Variants in NBPF11 observed in about 807,000 individuals in gnomAD.
The protein encoded by NBPF11 is NBPF member 11.
In NBPF11, 72 loss-of-function variants were observed where a neutral mutation model predicts 93.9. The observed-to-expected ratio is 0.77, with a 90% confidence interval of 0.63 to 0.93. The LOEUF (loss-of-function observed/expected upper bound fraction) is 0.93, where lower values mean the gene tolerates loss of function less well. Among genes scored for constraint, NBPF11 ranks in the 40% least tolerant of loss-of-function variants. The probability of loss-of-function intolerance (pLI) is 0.00; values close to 1 mark genes in which losing one functional copy is unlikely to be tolerated. For synonymous variants in NBPF11, 224 were observed against 304.9 expected, an observed-to-expected ratio of 0.73 and a Z score of 2.76; for missense variants, 705 against 802.2, an observed-to-expected ratio of 0.88 and a Z score of 1.46.
intron 1 of NBPF11, among the ~76,000 whole-genome samples, chr1:148,148,276 G>A (rs1647258449): frequency 6.6e-6 from 1 of 152,374 alleles, no homozygotes; most frequent in Non-Finnish European, 1.5e-5. Flanking sequence ...AGGCAGAGGG[G>A]ACGCACACCT....
At chr1:148,122,654 T>A in intron 8 of NBPF11, 75 bp downstream of exon 8, 2 of 1,588,376 alleles carry the variant, frequency 1.3e-6, no homozygotes, top group Admixed American at 3.3e-5. Flanking sequence ...CCATCATAGA[T>A]GCCAGAGAGG....
At chr1:148,147,527 G>A (rs1571500524) in intron 1 of NBPF11, among the ~76,000 whole-genome samples, 1 of 152,098 alleles carries the variant, frequency 6.6e-6, no homozygotes, top group African/African-American at 2.4e-5. Context: ...CAGCGCCCGG[G>A]CCAGTGCTGC....
chr1:148,142,283 G>C (rs1190036217), intron 2 of NBPF11, among the ~76,000 whole-genome samples: 2 of 152,026 alleles, frequency 1.3e-5, no homozygotes, highest in Admixed American at 6.5e-5. Context: ...ATTAGAGAGA[G>C]ACGCACTACT....
At chr1:148,112,690 A>G (rs1665574486) in intron 15 of NBPF11, among the ~76,000 whole-genome samples, 2 of 143,884 alleles carry the variant, frequency 1.4e-5, no homozygotes, top group Admixed American at 7.1e-5. Context: ...GGCTGGGTCA[A>G]ATGGTATTTC....
At position 148,144,106 on chromosome 1, in the gene NBPF11, G is replaced by T. The variant is rs1333513359; in HGVS notation, c.-548-420C>A. Among the ~76,000 whole-genome samples the T allele has an allele frequency of 2.0e-5, 3 of 151,816 alleles. No individual in the cohort carries two copies. In the East Asian group the frequency reaches 5.8e-4, roughly 29 times the overall value. On this transcript the variant is annotated intron_variant, in intron 1 of 23. Transcript: ENST00000682118. ...TTTTCACAAAGTAAGGAATATTTGAGGTAGATCTTAGTGAACAAGAATTCG... is the reference window on the plus strand; with the variant it reads ...TTTTCACAAAGTAAGGAATATTTGATGTAGATCTTAGTGAACAAGAATTCG...
In NBPF11 at chr1:148,122,723, T is replaced by G; in HGVS notation, c.566+6A>C. ...CCATTACTTGCTCCTGAGTATTCAA[T>G]GTTACCTGGGGGCAGATGATTCCAG... On this transcript the variant is annotated splice_donor_region_variant and intron_variant, in intron 8 of 23. Transcript: ENST00000682118. The G allele has an allele frequency of 6.2e-7, 1 of 1,609,616 alleles. No homozygotes were observed. Among genetic ancestry groups the G allele is most frequent in the Non-Finnish European group, 8.5e-7 (1 of 1,177,080 alleles).
At chr1:148,147,226 G>A (rs1264346661) in intron 1 of NBPF11, among the ~76,000 whole-genome samples, 1 of 152,118 alleles carries the variant, frequency 6.6e-6, no homozygotes, top group Non-Finnish European at 1.5e-5. Context: ...CCACCTGGCG[G>A]GAGGGAGTGG....
At chr1:148,118,139 A>C (rs1460887898) in intron 11 of NBPF11, among the ~76,000 whole-genome samples, 12 of 146,450 alleles carry the variant, frequency 8.2e-5, no homozygotes, top group Admixed American at 2.0e-4. Flanking sequence ...TGCGGCCATT[A>C]GATACAAAGC....
intron 15 of NBPF11, among the ~76,000 whole-genome samples, chr1:148,111,863 C>A (rs1489224985): frequency 1.3e-5 from 2 of 150,964 alleles, no homozygotes; most frequent in African/African-American, 4.9e-5. Context: ...CCCAACCTAG[C>A]AAGGAAGGCC....
At chr1:148,134,658 G>C (rs1670972784) in intron 4 of NBPF11, among the ~76,000 whole-genome samples, 1 of 151,300 alleles carries the variant, frequency 6.6e-6, no homozygotes, top group African/African-American at 2.4e-5. Flanking sequence ...TTCAACTGTT[G>C]TTCCAACAGT....
rs1322948121 is a variant in NBPF11, at chr1:148,118,260, GCAGT to G, written c.1091+356_1091+359del. 2.6e-4 allele frequency among the ~76,000 whole-genome samples: 40 copies of G among 151,876 alleles called. 2 individuals are homozygous for G. Among genetic ancestry groups the G allele is most frequent in the African/African-American group, 9.0e-4 (37 of 41,242 alleles). On this transcript the variant is annotated intron_variant, in intron 11 of 23. Transcript: ENST00000682118. ...TGATTGAGTGAAAGAATGAGAAGCC[GCAGT>G]CAGTCAGGAGGTGATTCTCACTAGG...
chr1:148,132,095 C>T (rs1203284118), intron 4 of NBPF11, among the ~76,000 whole-genome samples: 6 of 145,536 alleles, frequency 4.1e-5, no homozygotes, highest in Non-Finnish European at 7.5e-5. Context: ...GAAATTGTTT[C>T]ATTGTGCTGT....
At chr1:148,137,901 G>C (rs1185311650) in intron 2 of NBPF11, 92 bp from the exon 3 acceptor site, 4 of 145,082 alleles carry the variant, frequency 2.8e-5, no homozygotes, top group African/African-American at 1.0e-4. Context: ...ACTTGGAAAA[G>C]AAAGAGACAC....
chr1:148,126,199 C>T (rs1669071891), intron 5 of NBPF11, among the ~76,000 whole-genome samples: 1 of 151,842 alleles, frequency 6.6e-6, no homozygotes, highest in Non-Finnish European at 1.5e-5. Context: ...CGGGGTTTCT[C>T]CATGTTGCCC....
intron 19 of NBPF11, among the ~76,000 whole-genome samples, chr1:148,107,477 T>A (rs1187497238): frequency 6.6e-6 from 1 of 151,900 alleles, no homozygotes; most frequent in Non-Finnish European, 1.5e-5. Context: ...CAAGATTCCA[T>A]GCAGTTGCCA....
At position 148,120,721 on chromosome 1, in the gene NBPF11, G is replaced by A. The variant is rs1667625398; in HGVS notation, c.779-11C>T. 9 of 1,486,406 alleles carry A rather than the reference G, an allele frequency of 6.1e-6. No individual in the cohort carries two copies. In the Admixed American group the frequency reaches 1.5e-4, roughly 25 times the overall value. 92.1% of individuals were successfully genotyped at this position (1,486,406 alleles called of 1,614,324 possible). ...AGGTGGGGCCAGGGACTGGGGAGAA[G>A]AAAGGCAAACATATGATGGGTTAAA... is the stretch of plus-strand genomic sequence containing the variant. On this transcript the variant is annotated splice_polypyrimidine_tract_variant and intron_variant, in intron 9 of 23. Transcript: ENST00000682118.
Position 148,129,299 on chromosome 1 carries a change from G to A in NBPF11, c.-35-2261C>T, listed in dbSNP as rs1483381745. 3.4e-5 allele frequency among the ~76,000 whole-genome samples: 5 copies of A among 146,924 alleles called. No homozygotes were observed. The East Asian group carries it at 5.9e-4, about 17-fold the overall frequency. ...ACATAATATACAATATATATAACAC[G>A]TGTATATATATATTATATATATATT... On this transcript the variant is annotated intron_variant, in intron 4 of 23. Transcript: ENST00000682118.
rs1648571357 is a variant in NBPF11 at position 148,152,241 on chromosome 1, A to C, written c.-1040T>G. On this transcript the variant is annotated 5_prime_UTR_variant, in exon 1 of 24. Coordinates refer to ENST00000682118, the MANE Select transcript of NBPF11 (RefSeq NM_001385469.3). ...GCCAGGTTAAAGAGGCGGGAGACAC[A>C]CCCCCTCGGAAGCCCGGAGCTACCC... 6.6e-6 allele frequency: 1 copy of C among 151,694 alleles called. No individual in the cohort carries two copies. The highest frequency in any genetic ancestry group is 2.4e-5 in the African/African-American group (1 of 41,070). 9.4% of individuals were successfully genotyped at this position (151,694 alleles called of 1,614,324 possible).
intron 8 of NBPF11, 81 bp from the exon 9 acceptor site, chr1:148,122,347 C>A: frequency 6.2e-7 from 1 of 1,602,704 alleles, no homozygotes; most frequent in Non-Finnish European, 8.5e-7. Flanking sequence ...CTGGTTTTGA[C>A]AAGCGGCATT....
Sources: allele counts gnomAD v4.1 joint callset (sites outside exome capture counted in the v4.1 genomes callset), GRCh38; gene constraint gnomAD v4.1.1; transcripts MANE v1.5; gene names NCBI Gene and HGNC (gene_info 2026-07-23, HGNC 2026-07-21).